CC2D2A: variants seen among roughly 807,000 people sequenced by gnomAD.
CC2D2A encodes the protein coiled-coil and C2 domain-containing protein 2A.
Under a neutral mutation model 212.9 loss-of-function variants are expected in CC2D2A, and 155 were observed. The observed-to-expected ratio is 0.73, with a 90% CI of 0.64 to 0.83. The LOEUF (loss-of-function observed/expected upper bound fraction) is 0.83. Among genes scored for constraint, CC2D2A ranks in the 40% least tolerant of loss-of-function variants. The pLI is 0.00. For missense variants in CC2D2A, 1,856 were observed against 1,956.2 expected (o/e 0.95, Z 0.97); for synonymous variants, 667 against 686.5 (o/e 0.97, Z 0.44).
At chr4:15,476,658 G>A (rs1714233565) in intron 2 of CC2D2A, among the ~76,000 whole-genome samples, 1 of 152,136 alleles carries the variant, frequency 6.6e-6, no homozygotes, top group African/African-American at 2.4e-5. Flanking sequence ...ACCTATTATT[G>A]AGCATAGCTC....
At chr4:15,490,952 C>T (rs530950842) in intron 4 of CC2D2A, among the ~76,000 whole-genome samples, 7 of 152,232 alleles carry the variant, frequency 4.6e-5, no homozygotes, top group East Asian at 1.9e-4. Context: ...CCCCCTCACA[C>T]GGACCGCCTT....
intron 4 of CC2D2A, among the ~76,000 whole-genome samples, chr4:15,494,599 C>T (rs1389975423): frequency 2.0e-5 from 3 of 152,182 alleles, no homozygotes; most frequent in Non-Finnish European, 4.4e-5. Context: ...AAATCAATGA[C>T]CTATTTTCTT....
chr4:15,524,413 G>A (rs187359271), intron 11 of CC2D2A, among the ~76,000 whole-genome samples: 2 of 149,046 alleles, frequency 1.3e-5, no homozygotes, highest in Admixed American at 1.4e-4. Flanking sequence ...TTACAGGCAT[G>A]AGCCACTGCA....
At chr4:15,508,772 T>C (rs1268075810) in intron 6 of CC2D2A, among the ~76,000 whole-genome samples, 2 of 152,262 alleles carry the variant, frequency 1.3e-5, no homozygotes, top group African/African-American at 4.8e-5. Context: ...GCACACTACA[T>C]GACTGTTGTT....
chr4:15,473,066 T>C (rs1475935354), intron 1 of CC2D2A, among the ~76,000 whole-genome samples: 1 of 152,204 alleles, frequency 6.6e-6, no homozygotes, highest in Non-Finnish European at 1.5e-5. Context: ...ACAGTGGAGC[T>C]TTAAATAGTC....
At chr4:15,581,402 A>G (rs574033940) in intron 30 of CC2D2A, among the ~76,000 whole-genome samples, 1 of 152,370 alleles carries the variant, frequency 6.6e-6, no homozygotes, top group African/African-American at 2.4e-5. Flanking sequence ...GAGACAAGAA[A>G]TAAGAAAGGA....
chr4:15,523,069 A>G (rs1717303841), intron 11 of CC2D2A, among the ~76,000 whole-genome samples: 1 of 151,722 alleles, frequency 6.6e-6, no homozygotes, highest in Non-Finnish European at 1.5e-5. Flanking sequence ...AGCAGAGAAC[A>G]TGCCATTGCA....
At chr4:15,598,153 T>C (rs1241791560) in intron 35 of CC2D2A, among the ~76,000 whole-genome samples, 1 of 152,190 alleles carries the variant, frequency 6.6e-6, no homozygotes, top group African/African-American at 2.4e-5. Flanking sequence ...AACCTTTTTG[T>C]TTTTTTCTGA....
chr4:15,570,042 G>GT (rs1225340848), intron 27 of CC2D2A, among the ~76,000 whole-genome samples: 4 of 152,066 alleles, frequency 2.6e-5, no homozygotes, highest in Non-Finnish European at 4.4e-5. Context: ...AACTTGACAT[G>GT]TATCAATGGG....
chr4:15,521,123 G>A (rs546067755), intron 11 of CC2D2A, among the ~76,000 whole-genome samples: 2 of 152,260 alleles, frequency 1.3e-5, no homozygotes, highest in African/African-American at 4.8e-5. Context: ...CAAAGGGGCT[G>A]ACATCTTCCA....
At chr4:15,479,840 G>C (rs1007613708) in intron 3 of CC2D2A, among the ~76,000 whole-genome samples, 17 of 152,222 alleles carry the variant, frequency 1.1e-4, no homozygotes, top group African/African-American at 4.1e-4. Flanking sequence ...TGGGTGACTA[G>C]TGCCAAGGCT....
chr4:15,478,701 T>A, intron 2 of CC2D2A, 22 bp from the exon 3 acceptor site: 2 of 1,530,668 alleles, frequency 1.3e-6, no homozygotes, highest in Non-Finnish European at 1.8e-6. Flanking sequence ...TAAGATTCTC[T>A]CCCTTTTGCA....
Position 15,515,876 on chromosome 4 carries a change from TATAAA to T in CC2D2A, c.891_895del (p.Tyr297Ter). Reference sequence around the variant, plus strand: ...ATTTATAAACGATCTAGTCCCTACATATAAAAAGCTTCCTGAGAATGTACAGCCCA... The same window carrying T: ...ATTTATAAACGATCTAGTCCCTACATAAGCTTCCTGAGAATGTACAGCCCA... On this transcript the variant is annotated frameshift_variant, in exon 10 of 37. Transcript: ENST00000424120. LOFTEE classifies it high-confidence loss of function. 6.4e-7 allele frequency: 1 copy of T among 1,551,820 alleles called. No individual in the cohort carries two copies. The highest frequency in any genetic ancestry group is 8.7e-7 in the Non-Finnish European group (1 of 1,147,028).
chr4:15,500,592 G>A (rs941913202), intron 4 of CC2D2A, among the ~76,000 whole-genome samples: 2 of 152,096 alleles, frequency 1.3e-5, no homozygotes, highest in Non-Finnish European at 2.9e-5. Flanking sequence ...ATAGTTGGGG[G>A]CATGATATAA....
In CC2D2A at chr4:15,537,989, C is replaced by T. The variant is rs1427654469; in HGVS notation, c.1855C>T (p.Pro619Ser). The T allele has an allele frequency of 3.1e-6, 5 of 1,610,100 alleles. No individual in the cohort carries two copies. In the South Asian group the frequency reaches 4.5e-5, roughly 14 times the overall value. ...EPYPEEDLVK[P>S]SPPEPTDRAV... ...GTATCCCGAGGAGGACCTTGTGAAG[C>T]CCAGCCCTCCAGAGCCCACTGATCG... Residue 619 changes from proline to serine, a missense_variant, in exon 16 of 37, where the codon CCC becomes TCC. Coordinates refer to ENST00000424120, the MANE Select transcript of CC2D2A (RefSeq NM_001378615.1).
chr4:15,525,858 A>C (rs1717480275), intron 11 of CC2D2A, among the ~76,000 whole-genome samples: 1 of 152,152 alleles, frequency 6.6e-6, no homozygotes, highest in South Asian at 2.1e-4. Context: ...AGCTTTTTAT[A>C]CTTGGTTGGG....
intron 6 of CC2D2A, 70 bp from the exon 7 acceptor site, chr4:15,510,069 C>T (rs962097497): frequency 5.9e-6 from 7 of 1,179,206 alleles, no homozygotes; most frequent in Non-Finnish European, 8.7e-6. Flanking sequence ...GGGGGGTTAA[C>T]CTTCATTTTA....
chr4:15,511,632 T>C, intron 8 of CC2D2A: 1 of 369,566 alleles, frequency 2.7e-6, no homozygotes, highest in Non-Finnish European at 4.8e-6. Flanking sequence ...AGAACCTTGA[T>C]TAAACCTGTT....
intron 4 of CC2D2A, among the ~76,000 whole-genome samples, chr4:15,497,166 T>C (rs1715665548): frequency 6.6e-6 from 1 of 152,190 alleles, no homozygotes; most frequent in South Asian, 2.1e-4. Flanking sequence ...CAAACTATAC[T>C]GCAAGGATAC....
Sources: allele counts gnomAD v4.1 joint callset (sites outside exome capture counted in the v4.1 genomes callset), GRCh38; gene constraint gnomAD v4.1.1; transcripts MANE v1.5; gene names NCBI Gene and HGNC (gene_info 2026-07-23, HGNC 2026-07-21).